SMOC2: variants seen among roughly 807,000 people sequenced by gnomAD.
SMOC2 encodes the protein SPARC related modular calcium binding 2, also known as SPARC-related modular calcium-binding protein 2.
In SMOC2, 39 loss-of-function variants were observed where a neutral mutation model predicts 61.4. The ratio of observed to expected loss-of-function variants is 0.64; its 90% CI spans 0.49 to 0.83. SMOC2 has a LOEUF of 0.83. SMOC2 is among the 40% of genes least tolerant of loss of function. The pLI, the probability that SMOC2 is intolerant of heterozygous loss-of-function variation, is 0.00. For missense variants in SMOC2, 556 were observed against 592.9 expected, an observed-to-expected ratio of 0.94 and a Z score of 0.65; for synonymous variants, 247 against 239.9, an observed-to-expected ratio of 1.03 and a Z score of -0.27.
intron 1 of SMOC2, among the ~76,000 whole-genome samples, chr6:168,446,187 A>AC: frequency 6.6e-6 from 1 of 152,214 alleles, no homozygotes; most frequent in East Asian, 1.9e-4. Flanking sequence ...ACATGGTGAA[A>AC]CCCCATCTTT....
chr6:168,611,242 C>T (rs1785853958), intron 9 of SMOC2, among the ~76,000 whole-genome samples: 1 of 142,100 alleles, frequency 7.0e-6, no homozygotes, highest in African/African-American at 2.7e-5. Context: ...CATGTCTGGC[C>T]CTGCTCTGGT....
intron 11 of SMOC2, among the ~76,000 whole-genome samples, chr6:168,656,168 G>C (rs1046418816): frequency 1.3e-5 from 2 of 152,132 alleles, no homozygotes; most frequent in African/African-American, 4.8e-5. Flanking sequence ...ATGTGGAAGA[G>C]AAAACAAGCT....
intron 7 of SMOC2, among the ~76,000 whole-genome samples, chr6:168,580,430 C>G (rs1380642534): frequency 6.6e-6 from 1 of 152,348 alleles, no homozygotes; most frequent in Non-Finnish European, 1.5e-5. Context: ...GCACCTGTCA[C>G]TGGTGTGAAT....
At chr6:168,580,103 C>T (rs1032180597) in intron 7 of SMOC2, among the ~76,000 whole-genome samples, 2 of 152,126 alleles carry the variant, frequency 1.3e-5, no homozygotes, top group Non-Finnish European at 2.9e-5. Flanking sequence ...CGTAGTTTTC[C>T]CTCCTCCACC....
intron 1 of SMOC2, among the ~76,000 whole-genome samples, chr6:168,488,399 T>C (rs1227845866): frequency 6.6e-6 from 1 of 152,224 alleles, no homozygotes; most frequent in Non-Finnish European, 1.5e-5. Flanking sequence ...ATACCCAGAC[T>C]GGGTGGCTCA....
intron 4 of SMOC2, among the ~76,000 whole-genome samples, chr6:168,532,427 A>C (rs1583086683): frequency 6.6e-6 from 1 of 150,460 alleles, no homozygotes; most frequent in Non-Finnish European, 1.5e-5. Flanking sequence ...CTTCCTCACC[A>C]CCCTCCCCCC....
intron 11 of SMOC2, among the ~76,000 whole-genome samples, chr6:168,660,532 C>T (rs985948424): frequency 8.5e-5 from 13 of 152,250 alleles, no homozygotes; most frequent in Non-Finnish European, 1.5e-4. Context: ...ATGCAAGTGA[C>T]TACAGAATCG....
At chr6:168,511,448 G>A (rs1562562923) in intron 2 of SMOC2, among the ~76,000 whole-genome samples, 2 of 152,136 alleles carry the variant, frequency 1.3e-5, no homozygotes, top group Non-Finnish European at 2.9e-5. Context: ...TCACTATGAT[G>A]AGAATAACAT....
chr6:168,619,305 GA>G (rs1264158117), intron 9 of SMOC2, among the ~76,000 whole-genome samples: 3 of 152,152 alleles, frequency 2.0e-5, no homozygotes, highest in African/African-American at 7.2e-5. Flanking sequence ...GCAGAAGAGA[GA>G]TGGAATAAAG....
intron 7 of SMOC2, among the ~76,000 whole-genome samples, chr6:168,574,481 T>G (rs1409788113): frequency 6.6e-6 from 1 of 152,124 alleles, no homozygotes; most frequent in African/African-American, 2.4e-5. Flanking sequence ...CGCCGGGCCT[T>G]GGGGAGTTGG....
In SMOC2 at chr6:168,553,567, A is replaced by G. The variant is rs1257666731; in HGVS notation, c.637+4364A>G. On this transcript the variant is annotated intron_variant, in intron 7 of 12. Transcript: ENST00000356284. The surrounding 1 kb of genome is among the most constrained non-coding windows in gnomAD (Gnocchi z 4.2). ...ACTTCTTTTCTTACTTGAGCCAGCT[A>G]CTAACATCTTCACAAAATAACAAAC... Among the ~76,000 whole-genome samples, 2 of 152,230 alleles carry G rather than the reference A, an allele frequency of 1.3e-5. No homozygotes were observed. The highest frequency in any genetic ancestry group is 2.9e-5 in the Non-Finnish European group (2 of 68,042).
At chr6:168,556,852 C>A (rs1784265008) in intron 7 of SMOC2, among the ~76,000 whole-genome samples, 4 of 147,800 alleles carry the variant, frequency 2.7e-5, no homozygotes, top group Non-Finnish European at 5.9e-5. Context: ...AACGTAGAGG[C>A]CTCCAGTTTT....
intron 9 of SMOC2, among the ~76,000 whole-genome samples, chr6:168,617,548 C>T (rs569421126): frequency 6.6e-6 from 1 of 152,226 alleles, no homozygotes; most frequent in South Asian, 2.1e-4. Flanking sequence ...GGGCACTCCA[C>T]TCTTGTCCCG....
At chr6:168,444,657 G>A (rs1347588811) in intron 1 of SMOC2, among the ~76,000 whole-genome samples, 1 of 152,176 alleles carries the variant, frequency 6.6e-6, no homozygotes, top group Non-Finnish European at 1.5e-5. Flanking sequence ...GAGGTACATT[G>A]AATGCCACAC....
chr6:168,466,431 C>T (rs9364256), intron 1 of SMOC2, among the ~76,000 whole-genome samples: 6,206 of 152,200 alleles, frequency 0.041, 277 homozygotes, highest in East Asian at 0.14. Flanking sequence ...CCAGGGGCTC[C>T]TCTAGGGCAG....
intron 7 of SMOC2, among the ~76,000 whole-genome samples, chr6:168,595,870 G>C (rs868854374): frequency 6.6e-6 from 1 of 152,220 alleles, no homozygotes; most frequent in African/African-American, 2.4e-5. Flanking sequence ...GACGTTTCAA[G>C]AATTTTTGAG....
At chr6:168,539,515 A>G (rs1443596470) in intron 4 of SMOC2, among the ~76,000 whole-genome samples, 1 of 152,236 alleles carries the variant, frequency 6.6e-6, no homozygotes, top group African/African-American at 2.4e-5. Context: ...CAGAGCCCAC[A>G]AGCCTCACAG....
At chr6:168,582,692 G>C (rs1183995346) in intron 7 of SMOC2, among the ~76,000 whole-genome samples, 1 of 152,230 alleles carries the variant, frequency 6.6e-6, no homozygotes, top group Non-Finnish European at 1.5e-5. Context: ...CCGCCATGGA[G>C]AGACGCAGGC....
chr6:168,595,164 G>A lies in SMOC2; in HGVS notation c.638-3654G>A, dbSNP rs4708752. 2.8e-3 allele frequency among the ~76,000 whole-genome samples: 184 copies of A among 64,694 alleles called. 4 individuals carry two copies. The highest frequency in any genetic ancestry group is 9.5e-3 in the African/African-American group (165 of 17,318). The allele number at this position is 64,694 out of a possible 152,430, so 42.4% of individuals were successfully genotyped here. On this transcript the variant is annotated intron_variant, in intron 7 of 12. Coordinates refer to ENST00000356284, the MANE Select transcript of SMOC2 (RefSeq NM_001166412.2). Reference sequence around the variant, plus strand: ...ACAAGGGGCATCTTTCTAGAGGATCGCCGAGCTCCTCCTCCTTCCTGAGGC... The same window carrying A: ...ACAAGGGGCATCTTTCTAGAGGATCACCGAGCTCCTCCTCCTTCCTGAGGC...
Sources: allele counts gnomAD v4.1 joint callset (sites outside exome capture counted in the v4.1 genomes callset), GRCh38; gene constraint gnomAD v4.1.1; non-coding constraint Gnocchi (gnomAD v3.1); transcripts MANE v1.5; gene names NCBI Gene and HGNC (gene_info 2026-07-23, HGNC 2026-07-21).